The following DYNC2H1 variants were observed in gnomAD, a reference collection of about 807,000 sequenced individuals.
DYNC2H1 encodes cytoplasmic dynein 2 heavy chain 1.
A neutral mutation model predicts 570.0 loss-of-function variants in DYNC2H1; 410 were observed. The ratio of observed to expected loss-of-function variants is 0.72; its 90% confidence interval spans 0.66 to 0.78. The LOEUF (loss-of-function observed/expected upper bound fraction) is 0.78. Ranked by LOEUF, DYNC2H1 falls within the 30% of genes least tolerant of loss-of-function variation. The pLI, the probability that DYNC2H1 is intolerant of heterozygous loss-of-function variation, is 0.00. For missense variants in DYNC2H1, 4,865 were observed against 5,046.4 expected (o/e 0.96, Z 1.09); for synonymous variants, 1,688 against 1,677.6 (o/e 1.01, Z -0.15).
At chr11:103,398,132 ATTAT>A (rs1166602147) in intron 83 of DYNC2H1, among the ~76,000 whole-genome samples, 5 of 152,178 alleles carry the variant, frequency 3.3e-5, no homozygotes, top group African/African-American at 1.2e-4. Context: ...AATACCACAT[ATTAT>A]TTACTTCCAG....
rs759425169 is a variant in DYNC2H1, at chr11:103,299,907, A to G, written c.11096-3186A>G. Among the ~76,000 whole-genome samples the G allele has an allele frequency of 3.9e-5, 6 of 152,012 alleles. No homozygotes were observed. The highest frequency in any genetic ancestry group is 5.9e-5 in the Non-Finnish European group (4 of 67,982). ...TGTTTCTAGGGTTCAGTACTATTCC[A>G]TTTCTAAAGTGCAGTTTCCCATTTA... On this transcript the variant is annotated intron_variant, in intron 75 of 88. Transcript: ENST00000375735. This position sits in a 1 kb window ranked among gnomAD's most constrained non-coding sequence, Gnocchi z 4.5.
chr11:103,410,590 A>G (rs1158419193), intron 84 of DYNC2H1, among the ~76,000 whole-genome samples: 1 of 152,102 alleles, frequency 6.6e-6, no homozygotes, highest in African/African-American at 2.4e-5. Context: ...TGGTTTTGTT[A>G]ATATAACTAT....
chr11:103,477,026 C>T lies in DYNC2H1; in HGVS notation c.12766-2069C>T, dbSNP rs142104994. 2.9e-4 allele frequency among the ~76,000 whole-genome samples: 44 copies of T among 152,114 alleles called. No homozygotes were observed. The East Asian group carries it at 8.5e-3, about 29-fold the overall frequency. ...TTATATCTGGAGCTCTTTAATATGA[C>T]ATCTGATTCTTTCCACATCCTGTGA... On this transcript the variant is annotated intron_variant, in intron 88 of 88. Coordinates refer to ENST00000375735, the MANE Select transcript of DYNC2H1 (RefSeq NM_001377.3).
At chr11:103,283,594 C>A (rs1866230827) in intron 73 of DYNC2H1, among the ~76,000 whole-genome samples, 1 of 152,138 alleles carries the variant, frequency 6.6e-6, no homozygotes, top group Non-Finnish European at 1.5e-5. Flanking sequence ...ATGTTCAAGG[C>A]ATTATACAGA....
rs758079264 is a variant in DYNC2H1, at chr11:103,120,541, T to G, written c.1094T>G (p.Phe365Cys). 1.9e-6 allele frequency: 3 copies of G among 1,613,218 alleles called. No individual in the cohort carries two copies. In the Admixed American group the frequency reaches 5.0e-5, roughly 27 times the overall value. Residue 365 changes from phenylalanine (F) to cysteine (C), a missense_variant, in exon 7 of 89, where the codon TTT (phenylalanine) becomes TGT (cysteine). Around this residue, in one of 5 missense-constraint regions of DYNC2H1, gnomAD observed 1,936 missense variants for 1,962.1 expected, o/e 0.99. Coordinates refer to ENST00000375735, the MANE Select transcript of DYNC2H1 (RefSeq NM_001377.3). Reference protein sequence around the residue: ...IICLTRVFEPFTGLNPVQYNP... With the variant: ...IICLTRVFEPCTGLNPVQYNP... ...TGCCTCACTCGAGTATTTGAACCTTTTACTGGCCTGAATCCTGTGCAATAT... is the reference window on the plus strand; with the variant it reads ...TGCCTCACTCGAGTATTTGAACCTTGTACTGGCCTGAATCCTGTGCAATAT...
Position 103,235,848 on chromosome 11 carries a change from G to T in DYNC2H1, c.9709+35G>T, listed in dbSNP as rs1341701679. The T allele has an allele frequency of 1.9e-6, 3 of 1,603,482 alleles. No individual in the cohort carries two copies. The Admixed American group carries it at 5.1e-5, about 27-fold the overall frequency. On this transcript the variant is annotated intron_variant, in intron 62 of 88. Transcript: ENST00000375735. ...TAGTTATTCCTGATCTTGAGAGTTTGTATTTAGTTATTCCTGAATTTAAAA... is the reference window on the plus strand; with the variant it reads ...TAGTTATTCCTGATCTTGAGAGTTTTTATTTAGTTATTCCTGAATTTAAAA...
chr11:103,256,320 G>A lies in DYNC2H1; in HGVS notation c.10461+80G>A, dbSNP rs548666730. The A allele has an allele frequency of 6.2e-4, 843 of 1,350,074 alleles. 1 individual carries two copies. Among genetic ancestry groups the A allele is most frequent in the Non-Finnish European group, 8.3e-4 (819 of 991,862 alleles). The allele number at this position is 1,350,074 out of a possible 1,614,324, so 83.6% of individuals were successfully genotyped here. On this transcript the variant is annotated intron_variant, in intron 68 of 88. Transcript: ENST00000375735. This position sits in a 1 kb window ranked among gnomAD's most constrained non-coding sequence, Gnocchi z 4.0. ...AATATGATAGAAAATGTAGAATCAGGTCCTCAGGGGAAAGATGATGTGAAA... is the reference window on the plus strand; with the variant it reads ...AATATGATAGAAAATGTAGAATCAGATCCTCAGGGGAAAGATGATGTGAAA...
chr11:103,115,354 AT>A, intron 4 of DYNC2H1, 59 bp downstream of exon 4: 2 of 1,071,614 alleles, frequency 1.9e-6, no homozygotes, highest in South Asian at 1.7e-5. Context: ...TTGGGATTCA[AT>A]TTTTACAGCC....
chr11:103,218,700 G>A (rs181024733), intron 55 of DYNC2H1, among the ~76,000 whole-genome samples: 1 of 152,296 alleles, frequency 6.6e-6, no homozygotes, highest in East Asian at 1.9e-4. Context: ...AGTGACATTA[G>A]TAATACACAT....
chr11:103,467,899 G>T (rs1197641007), intron 87 of DYNC2H1, among the ~76,000 whole-genome samples: 1 of 152,154 alleles, frequency 6.6e-6, no homozygotes, highest in Non-Finnish European at 1.5e-5. Context: ...TAATATAGAT[G>T]TGGCTCTTAG....
At chr11:103,443,824 A>T (rs570423110) in intron 85 of DYNC2H1, among the ~76,000 whole-genome samples, 1 of 151,816 alleles carries the variant, frequency 6.6e-6, no homozygotes, top group Admixed American at 6.6e-5. Context: ...TCTGGATTGA[A>T]GATGATTTAT....
chr11:103,140,508 C>A (rs969999359), intron 17 of DYNC2H1, among the ~76,000 whole-genome samples: 12 of 152,160 alleles, frequency 7.9e-5, no homozygotes, highest in Admixed American at 6.5e-4. Context: ...TGGGTTGAAA[C>A]TTCTTTTCTT....
Position 103,186,186 on chromosome 11 carries a change from A to C in DYNC2H1, c.6634-56A>C. On this transcript the variant is annotated intron_variant, in intron 41 of 88. Coordinates refer to ENST00000375735, the MANE Select transcript of DYNC2H1 (RefSeq NM_001377.3). The surrounding 1 kb of genome is among the most constrained non-coding windows in gnomAD (Gnocchi z 4.5). ...TGGGATATTTACTTGGAAGAATTTT[A>C]AAATGTCACACACTCTGGAGTATGT... 1 of 1,496,420 alleles carries C rather than the reference A, an allele frequency of 6.7e-7. No homozygotes were observed. The highest frequency in any genetic ancestry group is 9.0e-7 in the Non-Finnish European group (1 of 1,116,194). 92.7% of individuals were successfully genotyped at this position (1,496,420 alleles called of 1,614,324 possible).
In DYNC2H1 at chr11:103,135,577, T is replaced by A; in HGVS notation, c.2288T>A (p.Met763Lys). The A allele has an allele frequency of 6.2e-7, 1 of 1,613,294 alleles. No homozygotes were observed. The highest frequency in any genetic ancestry group is 8.5e-7 in the Non-Finnish European group (1 of 1,179,594). Residue 763 changes from methionine (M) to lysine (K), a missense_variant, in exon 16 of 89, where the codon ATG (methionine) becomes AAG (lysine). Transcript: ENST00000375735. ...AAAGCTCTGGAGCATCAGTACCAGATGGGCTTAGAAGCACTTAATGAGAAT... is the reference window on the plus strand; with the variant it reads ...AAAGCTCTGGAGCATCAGTACCAGAAGGGCTTAGAAGCACTTAATGAGAAT... ...LYKALEHQYQ[M>K]GLEALNENLP...
intron 83 of DYNC2H1, among the ~76,000 whole-genome samples, chr11:103,360,883 C>A (rs1940603664): frequency 6.6e-6 from 1 of 152,004 alleles, no homozygotes; most frequent in Non-Finnish European, 1.5e-5. Flanking sequence ...AGGGAGAAGA[C>A]CTATTTTGGC....
At chr11:103,296,172 A>G (rs1406088922) in intron 75 of DYNC2H1, among the ~76,000 whole-genome samples, 4 of 152,004 alleles carry the variant, frequency 2.6e-5, no homozygotes, top group Non-Finnish European at 4.4e-5. Context: ...TGCTGTGATC[A>G]CTCACTAGAT....
intron 35 of DYNC2H1, 40 bp from the exon 36 acceptor site, chr11:103,174,013 TTC>T: frequency 7.3e-7 from 1 of 1,371,420 alleles, no homozygotes; most frequent in Middle Eastern, 1.8e-4. Flanking sequence ...AAGTAATTTC[TTC>T]TAGCTATTTG....
At chr11:103,269,283 T>C (rs552738611) in intron 70 of DYNC2H1, among the ~76,000 whole-genome samples, 1 of 152,334 alleles carries the variant, frequency 6.6e-6, no homozygotes, top group South Asian at 2.1e-4. Flanking sequence ...TTTCAGTGAT[T>C]AATAAAAATT....
At chr11:103,370,969 A>G (rs1030096813) in intron 83 of DYNC2H1, among the ~76,000 whole-genome samples, 1 of 152,056 alleles carries the variant, frequency 6.6e-6, no homozygotes, top group African/African-American at 2.4e-5. Context: ...AAAATTAACT[A>G]AGGCACCAGG....
Sources: gnomAD v4.1 joint callset for allele counts (sites outside exome capture counted in the v4.1 genomes callset) on GRCh38, gnomAD v4.1.1 for gene constraint, gnomAD v4.1.1 regional missense constraint, Gnocchi (gnomAD v3.1) non-coding constraint, MANE v1.5 for transcripts, NCBI Gene and HGNC (gene_info 2026-07-23, HGNC 2026-07-21) for gene names.